Variants in PRKD3 observed in about 807,000 individuals in gnomAD.
PRKD3 encodes the protein serine/threonine-protein kinase D3.
A neutral mutation model predicts 99.2 loss-of-function variants in PRKD3; 47 were observed. That is an observed-to-expected ratio of 0.47 (90% confidence interval 0.38 to 0.60). PRKD3 has a LOEUF of 0.60. Ranked by LOEUF, PRKD3 falls within the 20% of genes least tolerant of loss-of-function variation. The pLI is 0.00. For synonymous variants in PRKD3, 392 were observed against 355.4 expected (o/e 1.10, Z -1.16); for missense variants, 1,019 against 1,088.4 (o/e 0.94, Z 0.90).
In PRKD3 at chr2:37,323,944, A is replaced by C. The variant is rs181202977; in HGVS notation, c.-656+737T>G. Among the ~76,000 whole-genome samples, 3 of 152,242 alleles carry C rather than the reference A, an allele frequency of 2.0e-5. No homozygotes were observed. The East Asian group carries it at 5.8e-4, about 29-fold the overall frequency. On this transcript the variant is annotated intron_variant, in intron 1 of 18. Transcript: ENST00000234179. ...GTCGCGCGCACACACTTGTCGCTTG[A>C]ATCGTATGTGTGCCTGCAGACGGCA...
rs533535845 is a variant in PRKD3, at chr2:37,277,801, A to G, written c.1296+65T>C. 5.2e-6 allele frequency: 8 copies of G among 1,524,536 alleles called. No homozygotes were observed. In the African/African-American group the frequency reaches 5.5e-5, roughly 11 times the overall value. The allele number at this position is 1,524,536 out of a possible 1,614,324, so 94.4% of individuals were successfully genotyped here. On this transcript the variant is annotated intron_variant, in intron 9 of 18. Transcript: ENST00000234179. ...TATCTCATCATCATTTTGATTTAAAAAATGCACAGAATGAAACTCATAACA... is the reference window on the plus strand; with the variant it reads ...TATCTCATCATCATTTTGATTTAAAGAATGCACAGAATGAAACTCATAACA...
intron 16 of PRKD3, among the ~76,000 whole-genome samples, chr2:37,259,052 GAA>G (rs35409709): frequency 1.1e-4 from 17 of 148,776 alleles, no homozygotes; most frequent in South Asian, 2.1e-4. Flanking sequence ...TGAACACTTG[GAA>G]AAAAAAAAAA....
intron 15 of PRKD3, 112 bp from the exon 16 acceptor site, chr2:37,259,793 C>G (rs1668266049): frequency 2.8e-6 from 2 of 719,584 alleles, no homozygotes; most frequent in Non-Finnish European, 2.4e-6. Flanking sequence ...CAAGACTTAG[C>G]TAAAAGTGTG....
chr2:37,322,059 C>T (rs1671907712), intron 1 of PRKD3, among the ~76,000 whole-genome samples: 1 of 152,166 alleles, frequency 6.6e-6, no homozygotes, highest in Admixed American at 6.5e-5. Context: ...GTTTTGTGTA[C>T]TAGAAATGCT....
chr2:37,314,033 A>T (rs999074844), intron 2 of PRKD3, among the ~76,000 whole-genome samples: 10 of 152,222 alleles, frequency 6.6e-5, no homozygotes, highest in Non-Finnish European at 1.3e-4. Context: ...CAAAAAATCA[A>T]AGAAAAGAAC....
chr2:37,314,229 G>A (rs1025035980), intron 2 of PRKD3, among the ~76,000 whole-genome samples: 10 of 152,170 alleles, frequency 6.6e-5, no homozygotes, highest in South Asian at 2.1e-4. Flanking sequence ...TAGAAGACAC[G>A]GGAGAATGGG....
At chr2:37,289,620 C>T in intron 4 of PRKD3, 107 bp from the exon 5 acceptor site, 1 of 908,398 alleles carries the variant, frequency 1.1e-6, no homozygotes, top group Non-Finnish European at 1.6e-6. Flanking sequence ...TTTCTGTTAG[C>T]CATACCTATC....
rs897253315 is a variant in PRKD3, at chr2:37,279,670, A to C, written c.1172+76T>G. ...ATTACTTTTAAGGTCCCACTTAAAG[A>C]GACGTGGCTTTTTCTTAATGAGATC... On this transcript the variant is annotated intron_variant, in intron 8 of 18. Coordinates refer to ENST00000234179, the MANE Select transcript of PRKD3 (RefSeq NM_005813.6). 3.3e-5 allele frequency: 37 copies of C among 1,127,436 alleles called. 1 individual carries two copies. Among genetic ancestry groups the C allele is most frequent in the Non-Finnish European group, 2.8e-5 (23 of 824,792 alleles). The allele number at this position is 1,127,436 out of a possible 1,614,324, so 69.8% of individuals were successfully genotyped here. A position where few individuals can be genotyped will look rare whatever the true frequency, so the allele number is the denominator to read the frequency against.
intron 7 of PRKD3, 125 bp from the exon 8 acceptor site, chr2:37,280,054 CTTTT>C (rs72038621): frequency 2.5e-4 from 114 of 463,710 alleles, no homozygotes; most frequent in East Asian, 4.9e-4. Flanking sequence ...AAGTATTTCT[CTTTT>C]TTTTTTTTTT....
intron 11 of PRKD3, 79 bp downstream of exon 11, chr2:37,274,341 GA>G: frequency 6.7e-7 from 1 of 1,489,560 alleles, no homozygotes; most frequent in Middle Eastern, 1.8e-4. Flanking sequence ...ACATTAAAAG[GA>G]ACAAAGGAAC....
chr2:37,275,839 C>G lies in PRKD3; in HGVS notation c.1302G>C (p.Lys434Asn). The change falls in exon 10 of 19, where the codon AAG becomes AAC. Residue 434 changes from lysine (K) to asparagine (N), a missense_variant. Lys to Asn is a moderately conservative substitution (Grantham distance 94). This residue lies in a region of PRKD3 where 710 missense variants were observed against 692.7 expected (regional missense o/e 1.02). Coordinates refer to ENST00000234179, the MANE Select transcript of PRKD3 (RefSeq NM_005813.6). ...VHYTSRDNLRKRHYWRLDSKC... is the reference protein window; with the variant it reads ...VHYTSRDNLRNRHYWRLDSKC... ...TGCTGTCAAGTCTCCAATAATGCCT[C>G]TTTCTCTATAAAATGAAGATTGGAA... 6.2e-7 allele frequency: 1 copy of G among 1,605,366 alleles called. No homozygotes were observed. Among genetic ancestry groups the G allele is most frequent in the Non-Finnish European group, 8.5e-7 (1 of 1,176,110 alleles).
intron 15 of PRKD3, 54 bp from the exon 16 acceptor site, chr2:37,259,735 C>A (rs1410002661): frequency 8.3e-7 from 1 of 1,209,088 alleles, no homozygotes; most frequent in Non-Finnish European, 1.2e-6. Flanking sequence ...AAGTAAACCT[C>A]ATGTGACTCC....
intron 16 of PRKD3, among the ~76,000 whole-genome samples, chr2:37,257,671 G>GA (rs1164110574): frequency 0.02 from 573 of 28,488 alleles, 9 homozygotes; most frequent in African/African-American, 0.042. Flanking sequence ...TGTCTCAAAA[G>GA]AAAAAAAAAA....
chr2:37,303,459 A>T (rs971357084), intron 2 of PRKD3, among the ~76,000 whole-genome samples: 3 of 151,974 alleles, frequency 2.0e-5, no homozygotes, highest in Admixed American at 6.6e-5. Flanking sequence ...CAGACCTAAG[A>T]GAGTATTATA....
intron 5 of PRKD3, 75 bp from the exon 6 acceptor site, chr2:37,286,444 G>T: frequency 8.0e-7 from 1 of 1,245,566 alleles, no homozygotes; most frequent in Non-Finnish European, 1.1e-6. Context: ...TTAACCACAA[G>T]AATCATTTAT....
intron 2 of PRKD3, among the ~76,000 whole-genome samples, chr2:37,307,996 C>G (rs769579106): frequency 1.4e-4 from 21 of 152,168 alleles, no homozygotes; most frequent in Non-Finnish European, 2.5e-4. Flanking sequence ...CATGCTCTCC[C>G]CCATACTGCG....
chr2:37,269,801 T>C, intron 12 of PRKD3, 114 bp from the exon 13 acceptor site: 1 of 746,930 alleles, frequency 1.3e-6, no homozygotes, highest in Admixed American at 2.8e-5. Context: ...AGCAGCTAAT[T>C]TCCATAAAGT....
intron 10 of PRKD3, among the ~76,000 whole-genome samples, chr2:37,275,498 A>G (rs1669524389): frequency 6.6e-6 from 1 of 152,184 alleles, no homozygotes; most frequent in African/African-American, 2.4e-5. Context: ...TCTAAATCAG[A>G]GTATCCAGAA....
chr2:37,268,266 A>C (rs1168942627), intron 13 of PRKD3: 2 of 468,658 alleles, frequency 4.3e-6, no homozygotes, highest in East Asian at 7.0e-5. Context: ...AAGACTGAAC[A>C]AATGTGTGCA....
Sources: gnomAD v4.1 joint callset for allele counts (sites outside exome capture counted in the v4.1 genomes callset) on GRCh38, gnomAD v4.1.1 for gene constraint, gnomAD v4.1.1 regional missense constraint, MANE v1.5 for transcripts, NCBI Gene and HGNC (gene_info 2026-07-23, HGNC 2026-07-21) for gene names.